Variants in CACNA1C observed in about 807,000 individuals in gnomAD.
CACNA1C encodes the protein calcium voltage-gated channel subunit alpha1 C, also known as voltage-dependent L-type calcium channel subunit alpha-1C.
Under a neutral mutation model 229.0 loss-of-function variants are expected in CACNA1C, and 30 were observed. That is an observed-to-expected ratio of 0.13 (90% CI 0.10 to 0.18). The LOEUF (loss-of-function observed/expected upper bound fraction) is 0.18. Ranked by LOEUF, CACNA1C falls within the 10% of genes least tolerant of loss-of-function variation. CACNA1C has a pLI of 1.00. For missense variants in CACNA1C, 1,658 were observed against 2,845.0 expected, an observed-to-expected ratio of 0.58 and a Z score of 9.49; for synonymous variants, 1,114 against 1,132.5, an observed-to-expected ratio of 0.98 and a Z score of 0.33.
chr12:2,035,565 G>C (rs1303935112), intron 1 of CACNA1C, among the ~76,000 whole-genome samples: 1 of 152,150 alleles, frequency 6.6e-6, no homozygotes, highest in East Asian at 1.9e-4. Flanking sequence ...AACCTCAACA[G>C]AGCCCTGTGG....
chr12:2,185,379 C>G (rs893524799), intron 3 of CACNA1C, among the ~76,000 whole-genome samples: 2 of 152,208 alleles, frequency 1.3e-5, no homozygotes, highest in Admixed American at 6.5e-5. Context: ...CCACCTGTCT[C>G]TTGGCTGAAA....
chr12:2,097,204 G>C (rs2074389653), intron 1 of CACNA1C, among the ~76,000 whole-genome samples: 2 of 152,042 alleles, frequency 1.3e-5, no homozygotes, highest in Admixed American at 1.3e-4. Flanking sequence ...GGAGTGCAGT[G>C]GCGCGATCTC....
intron 1 of CACNA1C, among the ~76,000 whole-genome samples, chr12:2,031,612 A>G (rs887504139): frequency 3.9e-4 from 60 of 152,232 alleles, no homozygotes; most frequent in African/African-American, 1.4e-3. Context: ...CTCTCTACCT[A>G]TCCTACTACC....
chr12:2,524,682 T>C (rs1190234232), intron 9 of CACNA1C, among the ~76,000 whole-genome samples: 1 of 152,146 alleles, frequency 6.6e-6, no homozygotes, highest in African/African-American at 2.4e-5. Context: ...GGCCTCACAG[T>C]CTCCCCTGTC....
chr12:2,160,689 A>G (rs928272425), intron 3 of CACNA1C, among the ~76,000 whole-genome samples: 3 of 152,244 alleles, frequency 2.0e-5, no homozygotes, highest in African/African-American at 7.2e-5. Flanking sequence ...GCACTTCTTA[A>G]TATTTCAAAA....
At chr12:2,250,337 G>T (rs949916745) in intron 3 of CACNA1C, among the ~76,000 whole-genome samples, 1 of 152,110 alleles carries the variant, frequency 6.6e-6, no homozygotes, top group Admixed American at 6.5e-5. Context: ...TTATTAACAG[G>T]GCAGAAACTC....
At chr12:2,197,399 C>A (rs1598803492) in intron 3 of CACNA1C, among the ~76,000 whole-genome samples, 1 of 152,304 alleles carries the variant, frequency 6.6e-6, no homozygotes, top group Middle Eastern at 3.4e-3. Flanking sequence ...TAATGCCAGG[C>A]AGCGTACATT....
chr12:2,675,030 C>T (rs1040884323), intron 39 of CACNA1C, among the ~76,000 whole-genome samples: 8 of 152,168 alleles, frequency 5.3e-5, no homozygotes, highest in African/African-American at 1.2e-4. Flanking sequence ...GGCCCTCAAA[C>T]GAGAATCCCC....
chr12:2,624,695 G>A (rs990628993), intron 29 of CACNA1C, among the ~76,000 whole-genome samples: 4 of 152,162 alleles, frequency 2.6e-5, no homozygotes, highest in East Asian at 1.9e-4. Flanking sequence ...GCTCCACAGC[G>A]CCCCGTGGTG....
intron 10 of CACNA1C, among the ~76,000 whole-genome samples, chr12:2,555,708 C>G (rs959001766): frequency 6.6e-6 from 1 of 152,310 alleles, no homozygotes; most frequent in Non-Finnish European, 1.5e-5. Flanking sequence ...GCTAACCGTT[C>G]GGAGCAGTAA....
intron 8 of CACNA1C, among the ~76,000 whole-genome samples, chr12:2,505,728 T>C (rs1201984042): frequency 6.6e-6 from 1 of 152,156 alleles, no homozygotes; most frequent in African/African-American, 2.4e-5. Flanking sequence ...TGGAAACGCA[T>C]AGGATATTTC....
At chr12:2,357,020 A>G (rs2097387746) in intron 3 of CACNA1C, among the ~76,000 whole-genome samples, 1 of 152,080 alleles carries the variant, frequency 6.6e-6, no homozygotes, top group African/African-American at 2.4e-5. Context: ...TCCATCCTCC[A>G]TGGGGTCTTG....
intron 3 of CACNA1C, among the ~76,000 whole-genome samples, chr12:2,156,415 C>T (rs773898049): frequency 6.6e-6 from 1 of 152,138 alleles, no homozygotes; most frequent in African/African-American, 2.4e-5. Context: ...GTAAAGGAAT[C>T]GTTAAAAAAT....
chr12:2,164,005 G>A (rs186535691), intron 3 of CACNA1C, among the ~76,000 whole-genome samples: 13 of 152,260 alleles, frequency 8.5e-5, no homozygotes, highest in East Asian at 3.9e-4. Context: ...CAAGCTGCCC[G>A]CCACCTTGCC....
At chr12:2,655,648 G>A (rs112279479) in intron 34 of CACNA1C, among the ~76,000 whole-genome samples, 28 of 152,264 alleles carry the variant, frequency 1.8e-4, no homozygotes, top group African/African-American at 5.5e-4. Context: ...GCCATTTGCC[G>A]TGCTGGGCGC....
chr12:2,005,717 C>A (rs1019881297), intron 1 of CACNA1C, among the ~76,000 whole-genome samples: 4 of 152,056 alleles, frequency 2.6e-5, no homozygotes, highest in Non-Finnish European at 5.9e-5. Flanking sequence ...ACTCAGTGGT[C>A]CAGTATTTTC....
chr12:2,317,785 G>C (rs1327061291), intron 3 of CACNA1C, among the ~76,000 whole-genome samples: 2 of 152,350 alleles, frequency 1.3e-5, no homozygotes, highest in East Asian at 3.9e-4. Context: ...AGGCTCTGGT[G>C]GCGATTGGAT....
intron 3 of CACNA1C, among the ~76,000 whole-genome samples, chr12:2,373,829 G>A (rs1204123787): frequency 1.3e-5 from 2 of 152,168 alleles, no homozygotes; most frequent in Non-Finnish European, 2.9e-5. Flanking sequence ...TGATCTGCAA[G>A]TCAAACCTCA....
At chr12:2,060,038 CT>C in intron 1 of CACNA1C, among the ~76,000 whole-genome samples, 1 of 152,342 alleles carries the variant, frequency 6.6e-6, no homozygotes, top group East Asian at 1.9e-4. Flanking sequence ...TTTAAAAACA[CT>C]TTCTTAGGCT....
Sources: allele counts gnomAD v4.1 joint callset (sites outside exome capture counted in the v4.1 genomes callset), GRCh38; gene constraint gnomAD v4.1.1; transcripts MANE v1.5; gene names NCBI Gene and HGNC (gene_info 2026-07-23, HGNC 2026-07-21).